PTPRT: variants seen among roughly 807,000 people sequenced by gnomAD.
PTPRT encodes the protein receptor-type tyrosine-protein phosphatase T.
PTPRT carries 56 observed loss-of-function variants against 176.8 expected under a neutral mutation model. The ratio of observed to expected loss-of-function variants is 0.32; its 90% CI spans 0.26 to 0.40. The LOEUF (loss-of-function observed/expected upper bound fraction) is 0.40, where lower values mean the gene tolerates loss of function less well. PTPRT is among the 10% of genes least tolerant of loss of function. The pLI is 1.00. For missense variants in PTPRT, 1,540 were observed against 1,908.2 expected, an observed-to-expected ratio of 0.81 and a Z score of 3.60; for synonymous variants, 783 against 739.0, an observed-to-expected ratio of 1.06 and a Z score of -0.96.
chr20:42,139,337 C>T (rs541994083), intron 18 of PTPRT, among the ~76,000 whole-genome samples: 18 of 152,270 alleles, frequency 1.2e-4, no homozygotes, highest in African/African-American at 4.3e-4. Flanking sequence ...TCTCTGTCTC[C>T]ATTTGGGTTC....
chr20:42,568,960 A>G (rs1810193180), intron 7 of PTPRT, among the ~76,000 whole-genome samples: 3 of 147,406 alleles, frequency 2.0e-5, no homozygotes. Flanking sequence ...GAGCAGAAGA[A>G]TCGCTTGAAC....
At chr20:42,080,955 G>A (rs375221980) in intron 30 of PTPRT, 23 bp from the exon 31 acceptor site, 20 of 1,542,220 alleles carry the variant, frequency 1.3e-5, no homozygotes, top group Non-Finnish European at 1.6e-5. Flanking sequence ...GAGGAGCAGA[G>A]GCAGAGAGGG....
chr20:42,441,275 G>A (rs1320123081), intron 9 of PTPRT, among the ~76,000 whole-genome samples: 2 of 152,190 alleles, frequency 1.3e-5, no homozygotes, highest in Non-Finnish European at 2.9e-5. Flanking sequence ...GACAGTGGAG[G>A]GAAAAAGCCT....
chr20:42,621,423 AT>A (rs1161367948), intron 7 of PTPRT, among the ~76,000 whole-genome samples: 1 of 152,214 alleles, frequency 6.6e-6, no homozygotes, highest in Non-Finnish European at 1.5e-5. Context: ...AAAGAGAAAA[AT>A]AAGTTATCTC....
chr20:42,886,615 T>G (rs541101946), intron 1 of PTPRT, among the ~76,000 whole-genome samples: 1 of 152,348 alleles, frequency 6.6e-6, no homozygotes, highest in South Asian at 2.1e-4. Flanking sequence ...AAAGTCAATG[T>G]TGATCATGTT....
At chr20:43,136,051 G>C (rs2013822041) in intron 1 of PTPRT, among the ~76,000 whole-genome samples, 1 of 152,150 alleles carries the variant, frequency 6.6e-6, no homozygotes, top group South Asian at 2.1e-4. Context: ...CAAAGGTTCT[G>C]GGCAACTGGA....
In PTPRT at chr20:42,204,765, G is replaced by A. The variant is rs550429315; in HGVS notation, c.2343-5377C>T. 1.1e-4 allele frequency among the ~76,000 whole-genome samples: 16 copies of A among 152,216 alleles called. No individual in the cohort carries two copies. The South Asian group carries it at 3.3e-3, about 32-fold the overall frequency. On this transcript the variant is annotated intron_variant, in intron 15 of 30. Coordinates refer to ENST00000373187, the MANE Select transcript of PTPRT (RefSeq NM_007050.6). ...GTGCCACTCTTTACAAGGGATACTG[G>A]CAGGTAGAATGGCTCACGGGAGAGG...
At chr20:42,312,074 T>C (rs2057641734) in intron 12 of PTPRT, among the ~76,000 whole-genome samples, 1 of 152,252 alleles carries the variant, frequency 6.6e-6, no homozygotes, top group Non-Finnish European at 1.5e-5. Flanking sequence ...CATTTTACAT[T>C]AACCTTCCAT....
chr20:43,006,751 G>A (rs1320780143), intron 1 of PTPRT, among the ~76,000 whole-genome samples: 1 of 152,156 alleles, frequency 6.6e-6, no homozygotes, highest in African/African-American at 2.4e-5. Context: ...ACAGGTCACC[G>A]ACCCTCCGCT....
chr20:42,872,305 T>G (rs1358395312), intron 2 of PTPRT, among the ~76,000 whole-genome samples: 1 of 152,192 alleles, frequency 6.6e-6, no homozygotes, highest in Non-Finnish European at 1.5e-5. Flanking sequence ...TCTCACTGAT[T>G]AGTAGTTGTG....
intron 7 of PTPRT, among the ~76,000 whole-genome samples, chr20:42,638,684 A>G (rs1046017662): frequency 6.6e-6 from 1 of 152,196 alleles, no homozygotes; most frequent in Admixed American, 6.5e-5. Flanking sequence ...GAATGGAATA[A>G]GCACCGAACC....
At chr20:42,434,806 T>TA (rs11397166) in intron 9 of PTPRT, among the ~76,000 whole-genome samples, 67,185 of 149,032 alleles carry the variant, frequency 0.45, 16,009 homozygotes, top group East Asian at 0.58. Flanking sequence ...TATTAAAAAT[T>TA]AAAAAAAAAA....
At chr20:43,118,090 G>A (rs1026472414) in intron 1 of PTPRT, among the ~76,000 whole-genome samples, 10 of 152,268 alleles carry the variant, frequency 6.6e-5, no homozygotes, top group South Asian at 6.2e-4. Flanking sequence ...TTCTGTAAAG[G>A]GACATATAAT....
intron 1 of PTPRT, among the ~76,000 whole-genome samples, chr20:42,930,959 A>G (rs1979809465): frequency 6.6e-6 from 1 of 151,856 alleles, no homozygotes; most frequent in African/African-American, 2.4e-5. Flanking sequence ...CAACAACAAC[A>G]AAAAACTCCT....
chr20:42,339,087 G>C (rs1050660938), intron 11 of PTPRT, among the ~76,000 whole-genome samples: 1 of 152,130 alleles, frequency 6.6e-6, no homozygotes, highest in Non-Finnish European at 1.5e-5. Context: ...ACTTTTTATA[G>C]AGTGAAAGTT....
intron 7 of PTPRT, among the ~76,000 whole-genome samples, chr20:42,557,159 C>T (rs988413738): frequency 7.9e-5 from 12 of 152,194 alleles, no homozygotes; most frequent in South Asian, 2.1e-4. Context: ...GCTTGTTTTG[C>T]GGGCTCACCC....
intron 11 of PTPRT, among the ~76,000 whole-genome samples, chr20:42,349,395 T>C (rs1165246360): frequency 6.6e-6 from 1 of 152,238 alleles, no homozygotes; most frequent in Non-Finnish European, 1.5e-5. Flanking sequence ...TTAAGCATCA[T>C]TTAAGATACA....
intron 1 of PTPRT, among the ~76,000 whole-genome samples, chr20:43,033,625 G>C (rs571646665): frequency 6.6e-6 from 1 of 152,250 alleles, no homozygotes; most frequent in Middle Eastern, 3.4e-3. Context: ...ATAATGAAAA[G>C]ATGAGTAAAT....
At chr20:42,191,898 T>C (rs1449509827) in intron 16 of PTPRT, among the ~76,000 whole-genome samples, 3 of 152,102 alleles carry the variant, frequency 2.0e-5, no homozygotes, top group Non-Finnish European at 2.9e-5. Flanking sequence ...CATTCATTCA[T>C]ATATTCAAAC....
Sources: gnomAD v4.1 joint callset for allele counts (sites outside exome capture counted in the v4.1 genomes callset) on GRCh38, gnomAD v4.1.1 for gene constraint, MANE v1.5 for transcripts, NCBI Gene and HGNC (gene_info 2026-07-23, HGNC 2026-07-21) for gene names.